CCSER1: variants seen among roughly 807,000 people sequenced by gnomAD.
The protein encoded by CCSER1 is serine-rich coiled-coil domain-containing protein 1.
A neutral mutation model predicts 82.0 loss-of-function variants in CCSER1; 41 were observed. That is an observed-to-expected ratio of 0.50 (90% CI 0.39 to 0.65). The LOEUF (loss-of-function observed/expected upper bound fraction) is 0.65, where lower values mean the gene tolerates loss of function less well. Ranked by LOEUF, CCSER1 falls within the 30% of genes least tolerant of loss-of-function variation. CCSER1 has a pLI of 0.00. For synonymous variants in CCSER1, 414 were observed against 383.9 expected (o/e 1.08, Z -0.92); for missense variants, 1,119 against 1,064.2 (o/e 1.05, Z -0.72).
chr4:91,385,193 G>A (rs1242356055), intron 10 of CCSER1, among the ~76,000 whole-genome samples: 1 of 151,854 alleles, frequency 6.6e-6, no homozygotes, highest in Non-Finnish European at 1.5e-5. Context: ...AAACTTAGTT[G>A]AATAAACTAT....
chr4:90,417,148 T>A (rs931479640), intron 4 of CCSER1, among the ~76,000 whole-genome samples: 2 of 152,152 alleles, frequency 1.3e-5, no homozygotes, highest in Non-Finnish European at 2.9e-5. Flanking sequence ...CAAACCACCA[T>A]GGCACATGTG....
intron 4 of CCSER1, among the ~76,000 whole-genome samples, chr4:90,454,226 ATG>A (rs1761874978): frequency 7.2e-6 from 1 of 139,816 alleles, no homozygotes; most frequent in African/African-American, 2.7e-5. Flanking sequence ...CTTTTGTTTC[ATG>A]TTTTTTTTTT....
chr4:90,922,426 A>T (rs1260049311), intron 8 of CCSER1, among the ~76,000 whole-genome samples: 3 of 152,062 alleles, frequency 2.0e-5, no homozygotes, highest in Admixed American at 2.0e-4. Context: ...GGAAGAATTA[A>T]ATCACAGTCC....
intron 3 of CCSER1, among the ~76,000 whole-genome samples, chr4:90,359,729 T>C (rs1192704031): frequency 1.3e-5 from 2 of 150,238 alleles, no homozygotes; most frequent in African/African-American, 2.4e-5. Context: ...AGAGCAAGAC[T>C]CCATCTCAAA....
chr4:90,816,282 C>A (rs1270138454), intron 8 of CCSER1, among the ~76,000 whole-genome samples: 1 of 152,024 alleles, frequency 6.6e-6, no homozygotes, highest in Admixed American at 6.6e-5. Flanking sequence ...AATACATTAA[C>A]CTAATGAGAC....
chr4:90,134,592 A>G (rs1723345925), intron 1 of CCSER1, among the ~76,000 whole-genome samples: 1 of 152,258 alleles, frequency 6.6e-6, no homozygotes, highest in African/African-American at 2.4e-5. Flanking sequence ...AAGTTCAGAC[A>G]TTAGATATTC....
At chr4:90,303,124 G>T (rs926630888) in intron 1 of CCSER1, among the ~76,000 whole-genome samples, 1 of 152,144 alleles carries the variant, frequency 6.6e-6, no homozygotes, top group African/African-American at 2.4e-5. Context: ...ATAATGTGCA[G>T]ATATCTTTTA....
intron 10 of CCSER1, among the ~76,000 whole-genome samples, chr4:91,358,714 G>A (rs1749037554): frequency 6.6e-6 from 1 of 152,138 alleles, no homozygotes; most frequent in Non-Finnish European, 1.5e-5. Flanking sequence ...CGGACTCCAA[G>A]TGCCAGTTCC....
chr4:90,480,757 A>G (rs539668954), intron 5 of CCSER1, among the ~76,000 whole-genome samples: 14 of 152,144 alleles, frequency 9.2e-5, no homozygotes, highest in Admixed American at 2.0e-4. Flanking sequence ...TGGTACCAGT[A>G]CCATGCTGTT....
intron 5 of CCSER1, among the ~76,000 whole-genome samples, chr4:90,580,014 C>T (rs1781252499): frequency 6.6e-6 from 1 of 152,084 alleles, no homozygotes; most frequent in Non-Finnish European, 1.5e-5. Flanking sequence ...AAAAAGGCCA[C>T]ATCTTAGCGG....
rs942386755 is a variant in CCSER1, at chr4:91,553,575, T to G, written c.2218-44997T>G. On this transcript the variant is annotated intron_variant, in intron 10 of 10. Transcript: ENST00000509176. ...TTCAATCTCCTTACTTACGGGAATT[T>G]TTTTTTTGTCTTCAGTCTCCTTACT... is the stretch of plus-strand genomic sequence containing the variant. Among the ~76,000 whole-genome samples, 6 of 131,124 alleles carry G rather than the reference T, an allele frequency of 4.6e-5. No individual in the cohort carries two copies. In the East Asian group the frequency reaches 1.4e-3, roughly 30 times the overall value. The allele number at this position is 131,124 out of a possible 152,430, so 86.0% of individuals were successfully genotyped here.
intron 3 of CCSER1, among the ~76,000 whole-genome samples, chr4:90,361,635 T>C (rs781479726): frequency 1.4e-4 from 22 of 152,226 alleles, no homozygotes; most frequent in Non-Finnish European, 2.6e-4. Context: ...TAGGTAGTTT[T>C]TCAGCCCTTG....
intron 9 of CCSER1, among the ~76,000 whole-genome samples, chr4:90,932,982 G>GAGAAAGAAAGAAAGAAAGAAAGAA (rs765197842): frequency 5.3e-5 from 1 of 18,856 alleles, no homozygotes; most frequent in Non-Finnish European, 9.4e-5. Context: ...AAGAAAGAAA[G>GAGAAAGAAAGAAAGAAAGAAAGAA]AGAAAGAAAG....
intron 4 of CCSER1, among the ~76,000 whole-genome samples, chr4:90,443,119 A>G (rs115311130): frequency 0.034 from 5,191 of 152,316 alleles, 127 homozygotes; most frequent in Middle Eastern, 0.082. Flanking sequence ...TAGAAAAGTT[A>G]TAACAATATA....
Position 91,411,491 on chromosome 4 carries a change from CATATATATATATAT to C in CCSER1, c.2218-187059_2218-187046del, listed in dbSNP as rs770013398. ...TAATCACTAAATTTCTGCATATATA[CATATATATATATAT>C]ATATATATATATATATATATAAAAT... On this transcript the variant is annotated intron_variant, in intron 10 of 10. Coordinates refer to ENST00000509176, the MANE Select transcript of CCSER1 (RefSeq NM_001145065.2). Among the ~76,000 whole-genome samples the C allele has an allele frequency of 2.4e-4, 13 of 53,812 alleles. 1 individual carries two copies. The highest frequency in any genetic ancestry group is 2.8e-3 in the East Asian group (2 of 710). The allele number at this position is 53,812 out of a possible 152,430, so 35.3% of individuals were successfully genotyped here. A position where few individuals can be genotyped will look rare whatever the true frequency, so the allele number is the denominator to read the frequency against.
intron 6 of CCSER1, among the ~76,000 whole-genome samples, chr4:90,669,973 G>A (rs573934781): frequency 7.4e-4 from 113 of 152,022 alleles, no homozygotes; most frequent in Non-Finnish European, 1.5e-3. Flanking sequence ...CTTAGAGCAT[G>A]TAAACAAATA....
At chr4:91,111,222 T>A (rs1366685803) in intron 10 of CCSER1, among the ~76,000 whole-genome samples, 2 of 152,006 alleles carry the variant, frequency 1.3e-5, no homozygotes, top group Admixed American at 6.6e-5. Flanking sequence ...AAAATTAAAT[T>A]ATACAAGGTC....
chr4:90,815,957 G>A (rs1758956738), intron 8 of CCSER1, 112 bp downstream of exon 8: 1 of 599,702 alleles, frequency 1.7e-6, no homozygotes. Context: ...TCCTTCCAGT[G>A]GTTCAATCCA....
At chr4:90,150,430 A>G (rs893135107) in intron 1 of CCSER1, among the ~76,000 whole-genome samples, 2 of 152,140 alleles carry the variant, frequency 1.3e-5, no homozygotes, top group African/African-American at 2.4e-5. Context: ...TAGTGGGGAA[A>G]GGATGTCAAT....
Sources: allele counts gnomAD v4.1 joint callset (sites outside exome capture counted in the v4.1 genomes callset), GRCh38; gene constraint gnomAD v4.1.1; transcripts MANE v1.5; gene names NCBI Gene and HGNC (gene_info 2026-07-23, HGNC 2026-07-21).